Variants in EML5 observed in about 807,000 individuals in gnomAD.
The protein encoded by EML5 is EMAP like 5.
A neutral mutation model predicts 250.0 loss-of-function variants in EML5; 120 were observed. The observed-to-expected ratio is 0.48, with a 90% confidence interval of 0.41 to 0.56. EML5 has a LOEUF of 0.56. Among genes scored for constraint, EML5 ranks in the 20% least tolerant of loss-of-function variants. EML5 has a pLI of 0.00. For missense variants in EML5, 2,006 were observed against 2,437.6 expected, an observed-to-expected ratio of 0.82 and a Z score of 3.73; for synonymous variants, 771 against 806.5, an observed-to-expected ratio of 0.96 and a Z score of 0.75.
At chr14:88,672,629 T>G (rs1207634188) in intron 21 of EML5, among the ~76,000 whole-genome samples, 3 of 151,264 alleles carry the variant, frequency 2.0e-5, no homozygotes, top group Non-Finnish European at 1.5e-5. Flanking sequence ...TTGAAAAAAA[T>G]TAATAAAATA....
intron 27 of EML5, among the ~76,000 whole-genome samples, chr14:88,651,154 C>CTTT (rs869045980): frequency 1.6e-4 from 15 of 93,138 alleles, no homozygotes; most frequent in East Asian, 3.9e-4. Flanking sequence ...TTGTCATTTT[C>CTTT]TTTTTTTTTT....
intron 1 of EML5, among the ~76,000 whole-genome samples, chr14:88,761,568 T>C (rs1371472663): frequency 1.3e-5 from 2 of 152,246 alleles, no homozygotes; most frequent in Non-Finnish European, 2.9e-5. Flanking sequence ...GGTGTGTATG[T>C]GCCACATTTT....
chr14:88,758,370 T>C (rs1186262824), intron 1 of EML5, among the ~76,000 whole-genome samples: 1 of 151,986 alleles, frequency 6.6e-6, no homozygotes, highest in Non-Finnish European at 1.5e-5. Flanking sequence ...TTTTTTTGTA[T>C]TTTTAGTAAA....
chr14:88,659,432 G>A (rs1399326890), intron 25 of EML5, among the ~76,000 whole-genome samples: 1 of 152,028 alleles, frequency 6.6e-6, no homozygotes, highest in African/African-American at 2.4e-5. Context: ...GGCTGGTCTC[G>A]AACTCCTGAC....
At chr14:88,784,628 G>A (rs950953898) in intron 1 of EML5, among the ~76,000 whole-genome samples, 15 of 151,944 alleles carry the variant, frequency 9.9e-5, no homozygotes, top group Non-Finnish European at 1.6e-4. Context: ...CAAATAACAA[G>A]ATCAAAGCCA....
intron 40 of EML5, 100 bp from the exon 41 acceptor site, chr14:88,618,431 T>C (rs2088134569): frequency 2.6e-6 from 3 of 1,155,518 alleles, no homozygotes. Flanking sequence ...TTGATTTACA[T>C]GTCTAACATT....
At chr14:88,656,982 G>C (rs2091896023) in intron 27 of EML5, among the ~76,000 whole-genome samples, 1 of 152,100 alleles carries the variant, frequency 6.6e-6, no homozygotes, top group African/African-American at 2.4e-5. Context: ...ACCATCAATA[G>C]GGTTTTGTTT....
chr14:88,738,959 T>A lies in EML5; in HGVS notation c.767A>T (p.Asp256Val). 1 of 1,608,650 alleles carries A rather than the reference T, an allele frequency of 6.2e-7. No individual in the cohort carries two copies. The highest frequency in any genetic ancestry group is 8.5e-7 in the Non-Finnish European group (1 of 1,177,732). Residue 256 changes from aspartate (D) to valine (V), a missense_variant, in exon 6 of 44, where the codon GAT (aspartate) becomes GTT (valine). By Grantham distance (152) the Asp-to-Val change is radical (BLOSUM62 -3). Around this residue, in one of 7 missense-constraint regions of EML5, gnomAD observed 1,375 missense variants for 1,590.3 expected, o/e 0.86. Coordinates refer to ENST00000554922, the MANE Select transcript of EML5 (RefSeq NM_183387.3). ...CEEGFATGGR[D>V]GCIRLWDLTF... The stretch of plus-strand genomic sequence containing the variant: ...TAAATCCCAAAGACGAATACAACCA[T>A]CTCTGCCACCAGTAGCAAAGCCTTC...
At chr14:88,708,458 T>C in intron 10 of EML5, among the ~76,000 whole-genome samples, 1 of 152,118 alleles carries the variant, frequency 6.6e-6, no homozygotes, top group East Asian at 1.9e-4. Context: ...TGGTGCCTGG[T>C]ATATAGCAAA....
intron 31 of EML5, 49 bp from the exon 32 acceptor site, chr14:88,638,956 A>T (rs778911919): frequency 7.2e-7 from 1 of 1,388,688 alleles, no homozygotes; most frequent in East Asian, 2.5e-5. Context: ...AAGATGTAAC[A>T]GCCAAAAGCA....
intron 25 of EML5, among the ~76,000 whole-genome samples, chr14:88,660,157 C>T (rs2092028840): frequency 1.3e-5 from 2 of 151,632 alleles, no homozygotes; most frequent in Admixed American, 1.3e-4. Context: ...GTGGCATGTG[C>T]CTGTGGTCCC....
chr14:88,758,057 A>G (rs145506547), intron 1 of EML5, among the ~76,000 whole-genome samples: 2,649 of 135,270 alleles, frequency 0.02, 96 homozygotes, highest in African/African-American at 0.069. Context: ...GGGTCTCCCT[A>G]TGTTGCCCAG....
At chr14:88,736,291 G>C (rs2093840329) in intron 7 of EML5, 73 bp downstream of exon 7, 1 of 1,541,260 alleles carries the variant, frequency 6.5e-7, no homozygotes. Flanking sequence ...GAGCCACAGT[G>C]CCTGGCCATG....
At chr14:88,651,448 G>A (rs2091621406) in intron 27 of EML5, among the ~76,000 whole-genome samples, 1 of 151,854 alleles carries the variant, frequency 6.6e-6, no homozygotes, top group Admixed American at 6.6e-5. Flanking sequence ...CTTCAGCAAT[G>A]GGTGGAAATT....
intron 35 of EML5, chr14:88,626,220 T>G (rs1239242391): frequency 6.6e-6 from 1 of 152,296 alleles, no homozygotes; most frequent in African/African-American, 2.4e-5. Flanking sequence ...TGACAAATTT[T>G]TAGGACTATG....
rs2093093474 is a variant in EML5, at chr14:88,696,967, T to C, written c.2239-15A>G. Reference sequence around the variant, plus strand: ...TCTCTACCAACCTAAAATAGAATTATAGAAGCTATTAAATACAATTAAATT... The same window carrying C: ...TCTCTACCAACCTAAAATAGAATTACAGAAGCTATTAAATACAATTAAATT... On this transcript the variant is annotated splice_polypyrimidine_tract_variant and intron_variant, in intron 14 of 43. Transcript: ENST00000554922. 3 of 1,480,236 alleles carry C rather than the reference T, an allele frequency of 2.0e-6. No individual in the cohort carries two copies. Among genetic ancestry groups the C allele is most frequent in the South Asian group, 1.3e-5 (1 of 75,414 alleles). The allele number at this position is 1,480,236 out of a possible 1,614,324, so 91.7% of individuals were successfully genotyped here.
At chr14:88,644,175 T>C (rs2091225050) in intron 30 of EML5, among the ~76,000 whole-genome samples, 1 of 152,182 alleles carries the variant, frequency 6.6e-6, no homozygotes, top group African/African-American at 2.4e-5. Flanking sequence ...CATTCACACA[T>C]ACTTAGGTTT....
At chr14:88,671,924 G>A (rs2092472448) in intron 21 of EML5, among the ~76,000 whole-genome samples, 1 of 152,072 alleles carries the variant, frequency 6.6e-6, no homozygotes, top group Admixed American at 6.5e-5. Context: ...GACCTACGAA[G>A]AGACAACTTA....
At chr14:88,687,194 A>G in intron 19 of EML5, 22 bp downstream of exon 19, 1 of 1,562,906 alleles carries the variant, frequency 6.4e-7, no homozygotes, top group Non-Finnish European at 8.7e-7. Context: ...CTATACAAAA[A>G]CCCCACTAAG....
Sources: gnomAD v4.1 joint callset for allele counts (sites outside exome capture counted in the v4.1 genomes callset) on GRCh38, gnomAD v4.1.1 for gene constraint, gnomAD v4.1.1 regional missense constraint, MANE v1.5 for transcripts, NCBI Gene and HGNC (gene_info 2026-07-23, HGNC 2026-07-21) for gene names.